SPDYE4: variants seen among roughly 807,000 people sequenced by gnomAD.
SPDYE4 encodes the protein speedy protein E4.
In SPDYE4, 30 loss-of-function variants were observed where a neutral mutation model predicts 37.5. The ratio of observed to expected loss-of-function variants is 0.80; its 90% CI spans 0.60 to 1.09. The LOEUF is 1.09. Ranked by LOEUF, SPDYE4 falls within the 50% of genes least tolerant of loss-of-function variation. The pLI, the probability that SPDYE4 is intolerant of heterozygous loss-of-function variation, is 0.00. For synonymous variants in SPDYE4, 131 were observed against 120.3 expected (o/e 1.09, Z -0.58); for missense variants, 300 against 307.9 (o/e 0.97, Z 0.19).
chr17:8,749,373 C>A (rs945692972), downstream of SPDYE4, among the ~76,000 whole-genome samples: 1 of 152,116 alleles, frequency 6.6e-6, no homozygotes, highest in Non-Finnish European at 1.5e-5. Flanking sequence ...AAGTGATTCT[C>A]CTGCCTCAGC....
chr17:8,751,369 A>G lies in SPDYE4; in HGVS notation c.*913T>C, dbSNP rs1304411770. On this transcript the variant is annotated 3_prime_UTR_variant, in exon 7 of 7. Transcript: ENST00000689094. The stretch of plus-strand genomic sequence containing the variant: ...GCCATGCCCATCATTTTCAAAATAA[A>G]CAAATAAAATGTATAGTATATATTG... Among the ~76,000 whole-genome samples, 1 of 152,218 alleles carries G rather than the reference A, an allele frequency of 6.6e-6. No individual in the cohort carries two copies. Among genetic ancestry groups the G allele is most frequent in the Non-Finnish European group, 1.5e-5 (1 of 68,044 alleles).
intron 4 of SPDYE4, among the ~76,000 whole-genome samples, chr17:8,755,187 T>A (rs2086761590): frequency 6.6e-6 from 1 of 152,146 alleles, no homozygotes; most frequent in Non-Finnish European, 1.5e-5. Context: ...AGAAGGAGGA[T>A]GGAAAATTGC....
chr17:8,751,144 T>A lies in SPDYE4; in HGVS notation c.*1138A>T, dbSNP rs1457243545. 1.3e-5 allele frequency among the ~76,000 whole-genome samples: 2 copies of A among 152,170 alleles called. No individual in the cohort carries two copies. The highest frequency in any genetic ancestry group is 4.8e-5 in the African/African-American group (2 of 41,438). ...TACTCTAGGTCATAACAGTGCTCCC[T>A]TCAGCAGCACATGTAATAACAGATA... On this transcript the variant is annotated 3_prime_UTR_variant, in exon 7 of 7. Transcript: ENST00000689094.
chr17:8,755,743 T>C (rs998508018), intron 3 of SPDYE4, 138 bp from the exon 4 acceptor site: 96 of 1,149,214 alleles, frequency 8.4e-5, no homozygotes, highest in South Asian at 3.5e-4. Flanking sequence ...ACTATGCTCA[T>C]TGGGGGCTTG....
At chr17:8,756,275 G>T in intron 3 of SPDYE4, 103 bp downstream of exon 3, 7 of 1,066,308 alleles carry the variant, frequency 6.6e-6, no homozygotes, top group Non-Finnish European at 9.8e-6. Context: ...GCAGGTGGGA[G>T]ATGGTAGAGG....
intron 3 of SPDYE4, 66 bp downstream of exon 3, chr17:8,756,312 G>T: frequency 2.7e-6 from 4 of 1,502,826 alleles, no homozygotes; most frequent in Non-Finnish European, 3.7e-6. Context: ...TGTGGGTTTA[G>T]ACGCTGCACC....
chr17:8,753,286 T>TC, intron 5 of SPDYE4, 35 bp downstream of exon 5: 2 of 329,278 alleles, frequency 6.1e-6, no homozygotes, highest in Admixed American at 5.9e-5. Context: ...ACCCCATCCC[T>TC]CCCCACCCCC....
intron 4 of SPDYE4, among the ~76,000 whole-genome samples, chr17:8,753,882 C>T (rs760095217): frequency 9.9e-5 from 15 of 152,094 alleles, no homozygotes; most frequent in African/African-American, 3.1e-4. Context: ...AGACAGATGA[C>T]GTCACCTCAT....
chr17:8,755,755 G>T (rs889706530), intron 3 of SPDYE4, 150 bp from the exon 4 acceptor site: 3 of 1,053,490 alleles, frequency 2.8e-6, no homozygotes, highest in Admixed American at 2.3e-5. Context: ...GGGGGCTTGC[G>T]GGTGGAGAGT....
chr17:8,751,723 A>G lies in SPDYE4; in HGVS notation c.*559T>C, dbSNP rs191922415. 9.2e-5 allele frequency among the ~76,000 whole-genome samples: 14 copies of G among 152,360 alleles called. No homozygotes were observed. In the East Asian group the frequency reaches 1.7e-3, roughly 19 times the overall value. ...ATAGGAACAGCATGTTTTCAAAACT[A>G]CAAAAACCCCAAACTATTTTAAATC... On this transcript the variant is annotated 3_prime_UTR_variant, in exon 7 of 7. Coordinates refer to ENST00000689094, the MANE Select transcript of SPDYE4 (RefSeq NM_001394956.1).
chr17:8,749,689 G>C (rs2086714522), downstream of SPDYE4, among the ~76,000 whole-genome samples: 2 of 152,206 alleles, frequency 1.3e-5, no homozygotes, highest in Admixed American at 1.3e-4. Context: ...ATGAGCCACT[G>C]TGCCTGGCCA....
In SPDYE4 at chr17:8,751,481, T is replaced by C. The variant is rs1383320498; in HGVS notation, c.*801A>G. Reference sequence around the variant, plus strand: ...ACAAACAGTAAACAGAAAATAAACATTTCTATTTGCAAGAATGTAGGGGAA... The same window carrying C: ...ACAAACAGTAAACAGAAAATAAACACTTCTATTTGCAAGAATGTAGGGGAA... On this transcript the variant is annotated 3_prime_UTR_variant, in exon 7 of 7. Transcript: ENST00000689094. 1.3e-5 allele frequency among the ~76,000 whole-genome samples: 2 copies of C among 152,138 alleles called. No homozygotes were observed. Among genetic ancestry groups the C allele is most frequent in the Non-Finnish European group, 2.9e-5 (2 of 68,008 alleles).
chr17:8,755,419 G>A, intron 4 of SPDYE4, 101 bp downstream of exon 4: 1 of 1,364,498 alleles, frequency 7.3e-7, no homozygotes, highest in Admixed American at 1.9e-5. Flanking sequence ...AGAGTAAAGA[G>A]GAGAAGTAGG....
In SPDYE4 at chr17:8,753,399, G is replaced by T. The variant is rs1284543261; in HGVS notation, c.576C>A (p.Pro192=). The part of the protein sequence containing the change: ...FLYGKNYSQR[P]LFHKLRYQLL... The stretch of plus-strand genomic sequence containing the variant: ...GCTGGTATCGAAGCTTATGGAACAA[G>T]GGTCGCTGGGAGTAGTTCTTCCCGT... The change falls in exon 5 of 7, where the codon CCC becomes CCA. Residue 192 remains proline, a synonymous_variant. Transcript: ENST00000689094. The T allele has an allele frequency of 6.3e-7, 1 of 1,597,704 alleles. No individual in the cohort carries two copies. Among genetic ancestry groups the T allele is most frequent in the Admixed American group, 1.8e-5 (1 of 56,494 alleles).
chr17:8,755,831 G>A (rs1465553839), intron 3 of SPDYE4, among the ~76,000 whole-genome samples: 2 of 152,124 alleles, frequency 1.3e-5, no homozygotes, highest in African/African-American at 4.8e-5. Context: ...CCATGATGAT[G>A]AGCTCCAGTG....
intron 4 of SPDYE4, among the ~76,000 whole-genome samples, chr17:8,754,798 T>G (rs1215147790): frequency 6.6e-6 from 1 of 152,156 alleles, no homozygotes; most frequent in Non-Finnish European, 1.5e-5. Flanking sequence ...GGTCATTCCC[T>G]TCAGATCCAC....
intron 2 of SPDYE4, 137 bp downstream of exon 2, chr17:8,757,125 C>A: frequency 1.3e-6 from 1 of 785,592 alleles, no homozygotes; most frequent in Non-Finnish European, 2.0e-6. Context: ...TCCTCTATCT[C>A]CTAAGCATCC....
chr17:8,756,892 AT>A (rs143278687), intron 2 of SPDYE4, among the ~76,000 whole-genome samples: 2,431 of 152,022 alleles, frequency 0.016, 58 homozygotes, highest in African/African-American at 0.054. Context: ...TTTATCTTTT[AT>A]TTTATTTTAT....
chr17:8,757,213 CT>C (rs1359958844), intron 2 of SPDYE4, 48 bp downstream of exon 2: 6 of 1,530,228 alleles, frequency 3.9e-6, no homozygotes, highest in Non-Finnish European at 5.3e-6. Flanking sequence ...AAAGATTCCA[CT>C]TTTTTAAAAG....
Sources: gnomAD v4.1 joint callset for allele counts (sites outside exome capture counted in the v4.1 genomes callset) on GRCh38, gnomAD v4.1.1 for gene constraint, MANE v1.5 for transcripts, NCBI Gene and HGNC (gene_info 2026-07-23, HGNC 2026-07-21) for gene names.